AP3B1: variants seen among roughly 807,000 people sequenced by gnomAD.
The protein encoded by AP3B1 is AP-3 complex subunit beta-1.
A neutral mutation model predicts 132.5 loss-of-function variants in AP3B1; 61 were observed. The ratio of observed to expected loss-of-function variants is 0.46; its 90% CI spans 0.37 to 0.57. The LOEUF (loss-of-function observed/expected upper bound fraction) is 0.57, where lower values mean the gene tolerates loss of function less well. AP3B1 is among the 20% of genes least tolerant of loss of function. The probability of loss-of-function intolerance (pLI) is 0.00; values close to 1 mark genes in which losing one functional copy is unlikely to be tolerated. For missense variants in AP3B1, 1,120 were observed against 1,289.4 expected, an observed-to-expected ratio of 0.87 and a Z score of 2.01; for synonymous variants, 388 against 438.3, an observed-to-expected ratio of 0.89 and a Z score of 1.43.
chr5:78,074,603 T>C (rs140466940), intron 22 of AP3B1, among the ~76,000 whole-genome samples: 43 of 152,270 alleles, frequency 2.8e-4, no homozygotes, highest in African/African-American at 9.6e-4. Context: ...TCTCTTAGCC[T>C]GGGGCCTGAA....
At chr5:78,227,598 A>T in intron 4 of AP3B1, 66 bp from the exon 5 acceptor site, 1 of 1,526,382 alleles carries the variant, frequency 6.6e-7, no homozygotes, top group South Asian at 1.1e-5. Context: ...TATCTTTCAG[A>T]CACAGTTAAT....
intron 1 of AP3B1, among the ~76,000 whole-genome samples, chr5:78,285,079 C>T (rs1247845353): frequency 6.6e-6 from 1 of 152,066 alleles, no homozygotes; most frequent in African/African-American, 2.4e-5. Context: ...AACCCCGTCT[C>T]TACTAAAAAT....
At chr5:78,213,717 G>T (rs1745846586) in intron 7 of AP3B1, among the ~76,000 whole-genome samples, 1 of 152,114 alleles carries the variant, frequency 6.6e-6, no homozygotes, top group African/African-American at 2.4e-5. Flanking sequence ...AAATTAAACA[G>T]TTACCAATAA....
intron 17 of AP3B1, among the ~76,000 whole-genome samples, chr5:78,123,876 C>A (rs2112288671): frequency 6.6e-6 from 1 of 152,264 alleles, no homozygotes; most frequent in East Asian, 1.9e-4. Context: ...ATAAATCATG[C>A]TGCTATAAAG....
At chr5:78,116,603 G>C (rs1432533909) in intron 17 of AP3B1, among the ~76,000 whole-genome samples, 1 of 151,384 alleles carries the variant, frequency 6.6e-6, no homozygotes, top group Admixed American at 6.6e-5. Context: ...TTGACACTGA[G>C]GGAAAAGAGA....
At chr5:78,038,635 G>A (rs561748616) in intron 23 of AP3B1, among the ~76,000 whole-genome samples, 1 of 152,302 alleles carries the variant, frequency 6.6e-6, no homozygotes, top group African/African-American at 2.4e-5. Context: ...AGGATCTCGA[G>A]ATACGAGAAG....
In AP3B1 at chr5:78,089,052, G is replaced by A. The variant is rs551568988; in HGVS notation, c.2577+341C>T. Reference sequence around the variant, plus strand: ...AGTGTGGTAGGAATAAAACGATTACGGAAATGAAAGTCTGTTAATGTAGAC... The same window carrying A: ...AGTGTGGTAGGAATAAAACGATTACAGAAATGAAAGTCTGTTAATGTAGAC... On this transcript the variant is annotated intron_variant, in intron 22 of 26. Coordinates refer to ENST00000255194, the MANE Select transcript of AP3B1 (RefSeq NM_003664.5). The A allele has an allele frequency of 3.5e-4, 61 of 175,246 alleles. 1 individual carries two copies. In the South Asian group the frequency reaches 7.5e-3, roughly 22 times the overall value. 10.9% of individuals were successfully genotyped at this position (175,246 alleles called of 1,614,324 possible).
chr5:78,168,900 G>A (rs78529265), intron 11 of AP3B1, among the ~76,000 whole-genome samples: 4,885 of 151,982 alleles, frequency 0.032, 262 homozygotes, highest in African/African-American at 0.11. Flanking sequence ...TGACATTTTC[G>A]CTAATTATAA....
At chr5:78,095,378 T>G (rs1250013721) in intron 21 of AP3B1, among the ~76,000 whole-genome samples, 2 of 152,176 alleles carry the variant, frequency 1.3e-5, no homozygotes, top group Admixed American at 1.3e-4. Context: ...TTAATCTAAT[T>G]CTCACAGTTG....
chr5:78,090,499 G>A (rs1750465103), intron 21 of AP3B1, among the ~76,000 whole-genome samples: 1 of 152,096 alleles, frequency 6.6e-6, no homozygotes, highest in African/African-American at 2.4e-5. Flanking sequence ...TTGCAACTTC[G>A]ATCTGGCAAG....
chr5:78,129,387 G>T, intron 15 of AP3B1, 80 bp from the exon 16 acceptor site: 1 of 1,215,724 alleles, frequency 8.2e-7, no homozygotes, highest in Non-Finnish European at 1.2e-6. Context: ...ATTTAAAGAG[G>T]TAATAAAAAT....
At chr5:78,255,098 A>G (rs1747797260) in intron 2 of AP3B1, among the ~76,000 whole-genome samples, 2 of 152,174 alleles carry the variant, frequency 1.3e-5, no homozygotes, top group Non-Finnish European at 1.5e-5. Flanking sequence ...CATACAAGAT[A>G]TATAGAAAAA....
intron 14 of AP3B1, among the ~76,000 whole-genome samples, chr5:78,153,869 TTTG>T (rs1743006466): frequency 6.6e-6 from 1 of 152,182 alleles, no homozygotes; most frequent in African/African-American, 2.4e-5. Context: ...TTTTTCACTT[TTTG>T]TTGTTTCTAC....
intron 3 of AP3B1, among the ~76,000 whole-genome samples, chr5:78,233,901 A>C (rs950215523): frequency 4.6e-5 from 7 of 152,176 alleles, no homozygotes; most frequent in Non-Finnish European, 1.0e-4. Flanking sequence ...ATTTCTATTA[A>C]GGTACCCCTA....
chr5:78,075,184 G>C (rs1248264040), intron 22 of AP3B1, among the ~76,000 whole-genome samples: 2 of 152,092 alleles, frequency 1.3e-5, no homozygotes, highest in African/African-American at 2.4e-5. Context: ...AGAACTGGTA[G>C]GGGGGTGGTT....
chr5:78,276,886 G>A (rs377155690), intron 1 of AP3B1, among the ~76,000 whole-genome samples: 6 of 91,004 alleles, frequency 6.6e-5, no homozygotes. Flanking sequence ...AAAAAAAGAA[G>A]AAGAAGCAAA....
chr5:78,040,780 A>C (rs1748044743), intron 22 of AP3B1, among the ~76,000 whole-genome samples: 1 of 152,168 alleles, frequency 6.6e-6, no homozygotes, highest in Non-Finnish European at 1.5e-5. Flanking sequence ...AGTATATATC[A>C]ACCTATTAAA....
At chr5:78,096,334 G>A (rs541048962) in intron 21 of AP3B1, among the ~76,000 whole-genome samples, 18 of 152,298 alleles carry the variant, frequency 1.2e-4, no homozygotes, top group African/African-American at 4.1e-4. Flanking sequence ...CCAGGCTGGA[G>A]TGCAGTGGCA....
chr5:78,034,989 A>T (rs2112092619), intron 23 of AP3B1, among the ~76,000 whole-genome samples: 1 of 152,068 alleles, frequency 6.6e-6, no homozygotes, highest in South Asian at 2.1e-4. Context: ...TTGAAACCAA[A>T]ATGTTAAGTC....
Sources: allele counts gnomAD v4.1 joint callset (sites outside exome capture counted in the v4.1 genomes callset), GRCh38; gene constraint gnomAD v4.1.1; transcripts MANE v1.5; gene names NCBI Gene and HGNC (gene_info 2026-07-23, HGNC 2026-07-21).